CDKN2A: variants seen among roughly 807,000 people sequenced by gnomAD.
CDKN2A encodes the protein cyclin-dependent kinase inhibitor 2A.
In CDKN2A, 3 loss-of-function variants were observed where a neutral mutation model predicts 11.1. That is an observed-to-expected ratio of 0.27 (90% CI 0.12 to 0.70). The LOEUF is 0.70. Ranked by LOEUF, CDKN2A falls within the 30% of genes least tolerant of loss-of-function variation. The pLI is 0.77. For missense variants in CDKN2A, 265 were observed against 233.6 expected, an observed-to-expected ratio of 1.13 and a Z score of -0.88; for synonymous variants, 122 against 108.1, an observed-to-expected ratio of 1.13 and a Z score of -0.80.
At chr9:21,970,517 TG>T in intron 2 of CDKN2A, 1 of 465,898 alleles carries the variant, frequency 2.1e-6, no homozygotes, top group South Asian at 2.9e-5. Context: ...GGTATGCAAA[TG>T]AGGAAACAGA....
In CDKN2A at chr9:21,968,163, C is replaced by T; in HGVS notation, c.*66G>A. 1 of 1,440,876 alleles carries T rather than the reference C, an allele frequency of 6.9e-7. No individual in the cohort carries two copies. Among genetic ancestry groups the T allele is most frequent in the South Asian group, 1.2e-5 (1 of 86,194 alleles). The allele number at this position is 1,440,876 out of a possible 1,614,324, so 89.3% of individuals were successfully genotyped here. ...GGGTTGTGGCGGGGGCAGTTGTGGC[C>T]CTGTAGGACCTTCGGTGACTGATGA... On this transcript the variant is annotated 3_prime_UTR_variant, in exon 3 of 3. Coordinates refer to ENST00000304494, the MANE Select transcript of CDKN2A (RefSeq NM_000077.5). The surrounding 1 kb of genome is among the most constrained non-coding windows in gnomAD (Gnocchi z 4.7).
At chr9:21,971,888 A>C (rs1025187295) in intron 1 of CDKN2A, among the ~76,000 whole-genome samples, 4 of 152,110 alleles carry the variant, frequency 2.6e-5, no homozygotes, top group African/African-American at 4.8e-5. Flanking sequence ...GTCAAATGAG[A>C]GCATTTGGGA....
chr9:21,985,337 C>A (rs1188237676), intron 2 of CDKN2A, among the ~76,000 whole-genome samples: 1 of 151,914 alleles, frequency 6.6e-6, no homozygotes, highest in East Asian at 1.9e-4. Context: ...TTCTAAATAA[C>A]TTCTTCACAT....
chr9:21,969,800 G>A, intron 2 of CDKN2A: 1 of 398,078 alleles, frequency 2.5e-6, no homozygotes, highest in South Asian at 1.3e-4. Flanking sequence ...GTAACTGGAG[G>A]GAATTGGCGG....
At chr9:21,989,116 T>C (rs535413498) in intron 2 of CDKN2A, among the ~76,000 whole-genome samples, 1 of 152,246 alleles carries the variant, frequency 6.6e-6, no homozygotes, top group African/African-American at 2.4e-5. Flanking sequence ...TATTGACATT[T>C]GGTAGCTTCG....
chr9:21,979,235 C>T (rs145145152), upstream of CDKN2A, among the ~76,000 whole-genome samples: 1 of 152,280 alleles, frequency 6.6e-6, no homozygotes, highest in East Asian at 1.9e-4. Flanking sequence ...TGAAAACCAG[C>T]CTGTGAAGGA....
At position 21,968,992 on chromosome 9, in the gene CDKN2A, G is replaced by T. The variant is rs1207810155; in HGVS notation, c.458-750C>A. Among the ~76,000 whole-genome samples the T allele has an allele frequency of 6.6e-6, 1 of 152,086 alleles. No individual in the cohort carries two copies. Among genetic ancestry groups the T allele is most frequent in the African/African-American group, 2.4e-5 (1 of 41,402 alleles). ...ATTTGCACTTGAGTTTCTTTCTCCCGTAGCTTGCATTAGATTCTCCGACCA... is the reference window on the plus strand; with the variant it reads ...ATTTGCACTTGAGTTTCTTTCTCCCTTAGCTTGCATTAGATTCTCCGACCA... On this transcript the variant is annotated intron_variant, in intron 2 of 2. Coordinates refer to ENST00000304494, the MANE Select transcript of CDKN2A (RefSeq NM_000077.5). The surrounding 1 kb of genome is among the most constrained non-coding windows in gnomAD (Gnocchi z 4.7).
rs775558394 is a variant in CDKN2A at position 21,974,426 on chromosome 9, C to T, written c.150+252G>A. 6 of 1,607,330 alleles carry T rather than the reference C, an allele frequency of 3.7e-6. No individual in the cohort carries two copies. The highest frequency in any genetic ancestry group is 2.2e-5 in the South Asian group (2 of 90,162). ...TACTTCCATCTAATACAAATATGTTCCCCCCTTCAGATCTTCTCAGCATTC... is the reference window on the plus strand; with the variant it reads ...TACTTCCATCTAATACAAATATGTTTCCCCCTTCAGATCTTCTCAGCATTC... On this transcript the variant is annotated intron_variant, in intron 1 of 2. Coordinates refer to ENST00000304494, the MANE Select transcript of CDKN2A (RefSeq NM_000077.5). The surrounding 1 kb of genome is among the most constrained non-coding windows in gnomAD (Gnocchi z 5.2).
chr9:21,971,394 G>C, intron 1 of CDKN2A, 186 bp from the exon 2 acceptor site: 1 of 1,456,514 alleles, frequency 6.9e-7, no homozygotes, highest in Non-Finnish European at 9.0e-7. Context: ...AGTACACAAT[G>C]AATTCCATTA....
rs1223836404 is a variant in CDKN2A, at chr9:21,968,024, T to TA, written c.*204dup. 6 of 584,046 alleles carry TA rather than the reference T, an allele frequency of 1.0e-5. No homozygotes were observed. Among genetic ancestry groups the TA allele is most frequent in the Admixed American group, 3.0e-5 (1 of 33,576 alleles). The allele number at this position is 584,046 out of a possible 1,614,324, so 36.2% of individuals were successfully genotyped here. ...TTTTTTACATTTTTATAAGAATATA[T>TA]AAAAAATGATATAAATGGACATTTA... On this transcript the variant is annotated 3_prime_UTR_variant, in exon 3 of 3. Coordinates refer to ENST00000304494, the MANE Select transcript of CDKN2A (RefSeq NM_000077.5). This position sits in a 1 kb window ranked among gnomAD's most constrained non-coding sequence, Gnocchi z 4.7.
rs1329286662 is a variant in CDKN2A, at chr9:21,974,530, T to C, written c.150+148A>G. The stretch of plus-strand genomic sequence containing the variant: ...CCCAGGGCGTCGCCAGGAGGAGGTC[T>C]GTGATTACAAACCCCTTCTGAAAAC... On this transcript the variant is annotated intron_variant, in intron 1 of 2. Transcript: ENST00000304494. This position sits in a 1 kb window ranked among gnomAD's most constrained non-coding sequence, Gnocchi z 5.2. 1 of 1,613,286 alleles carries C rather than the reference T, an allele frequency of 6.2e-7. No homozygotes were observed. The highest frequency in any genetic ancestry group is 8.5e-7 in the Non-Finnish European group (1 of 1,179,958).
At chr9:21,975,132 C>T, upstream of CDKN2A, 2 of 1,228,978 alleles carry the variant, frequency 1.6e-6, no homozygotes. Context: ...AAGCAGCCCT[C>T]GCCAGAGCCA....
rs1315799360 is a variant in CDKN2A at position 21,988,389 on chromosome 9, T to C, written c.-4+5493A>G. Among the ~76,000 whole-genome samples the C allele has an allele frequency of 1.3e-5, 2 of 152,220 alleles. No homozygotes were observed. The highest frequency in any genetic ancestry group is 1.9e-4 in the East Asian group (1 of 5,200). On this transcript the variant is annotated intron_variant, in intron 2 of 3. Transcript: ENST00000494262. This position sits in a 1 kb window ranked among gnomAD's most constrained non-coding sequence, Gnocchi z 4.1. ...TGATGCTTTGGGAATTTCAATCCTG[T>C]AGTTGATGGCTTTCACTTTTTTTTC...
At position 21,968,453 on chromosome 9, in the gene CDKN2A, C is replaced by A; in HGVS notation, c.458-211G>T. The A allele has an allele frequency of 6.7e-7, 1 of 1,486,524 alleles. No individual in the cohort carries two copies. The highest frequency in any genetic ancestry group is 1.3e-5 in the South Asian group (1 of 74,420). The allele number at this position is 1,486,524 out of a possible 1,614,324, so 92.1% of individuals were successfully genotyped here. ...CCACTGCCCGCCTGGCTGCTCCAGG[C>A]GCGCCGACCGCTCAAGCGCTCCAGG... On this transcript the variant is annotated intron_variant, in intron 2 of 2. Coordinates refer to ENST00000304494, the MANE Select transcript of CDKN2A (RefSeq NM_000077.5). The surrounding 1 kb of genome is among the most constrained non-coding windows in gnomAD (Gnocchi z 4.7).
intron 2 of CDKN2A, among the ~76,000 whole-genome samples, chr9:21,982,780 T>C (rs936861378): frequency 6.6e-6 from 1 of 151,930 alleles, no homozygotes; most frequent in South Asian, 2.1e-4. Flanking sequence ...CCCAGCTATG[T>C]GACAAGCATC....
intron 2 of CDKN2A, among the ~76,000 whole-genome samples, chr9:21,969,969 C>T: frequency 6.6e-6 from 1 of 152,152 alleles, no homozygotes; most frequent in East Asian, 1.9e-4. Flanking sequence ...AGCCCAATGC[C>T]CCCGTTCTGG....
Position 21,991,480 on chromosome 9 carries a change from A to G in CDKN2A, c.-4+2402T>C, listed in dbSNP as rs1328782284. On this transcript the variant is annotated intron_variant, in intron 2 of 3. Coordinates refer to the CDKN2A transcript ENST00000494262. This position sits in a 1 kb window ranked among gnomAD's most constrained non-coding sequence, Gnocchi z 5.2. ...CCTAGAATGTTTTAGTACAGAAGGC[A>G]AGTGAGATTTTCTCTGTTTCTCCAA... 1 of 184,766 alleles carries G rather than the reference A, an allele frequency of 5.4e-6. No homozygotes were observed. The highest frequency in any genetic ancestry group is 2.4e-5 in the African/African-American group (1 of 41,978). The allele number at this position is 184,766 out of a possible 1,614,324, so 11.4% of individuals were successfully genotyped here.
rs1047853782 is a variant in CDKN2A at position 21,989,000 on chromosome 9, A to G, written c.-4+4882T>C. On this transcript the variant is annotated intron_variant, in intron 2 of 3. Transcript: ENST00000494262. This position sits in a 1 kb window ranked among gnomAD's most constrained non-coding sequence, Gnocchi z 4.1. ...TGCCGTCCTTGACTAACTCTCCTCT[A>G]GCAATACTATTGGTTTTGTATGTGA... 3.9e-5 allele frequency among the ~76,000 whole-genome samples: 6 copies of G among 152,152 alleles called. No homozygotes were observed. Among genetic ancestry groups the G allele is most frequent in the African/African-American group, 1.4e-4 (6 of 41,426 alleles).
At chr9:21,975,454 AG>A (rs1328831229), upstream of CDKN2A, among the ~76,000 whole-genome samples, 2 of 151,966 alleles carry the variant, frequency 1.3e-5, no homozygotes, top group African/African-American at 4.8e-5. Flanking sequence ...CTGTACGACT[AG>A]AAAGTGTCCC....
Sources: gnomAD v4.1 joint callset for allele counts (sites outside exome capture counted in the v4.1 genomes callset) on GRCh38, gnomAD v4.1.1 for gene constraint, Gnocchi (gnomAD v3.1) non-coding constraint, MANE v1.5 for transcripts, NCBI Gene and HGNC (gene_info 2026-07-23, HGNC 2026-07-21) for gene names.